Variants in NCAM1 observed in about 807,000 individuals in gnomAD.
The protein encoded by NCAM1 is antigen recognized by monoclonal antibody 5.1H11.
NCAM1 carries 14 observed loss-of-function variants against 109.8 expected under a neutral mutation model. That is an observed-to-expected ratio of 0.13 (90% CI 0.08 to 0.20). The LOEUF (loss-of-function observed/expected upper bound fraction) is 0.20, where lower values mean the gene tolerates loss of function less well. NCAM1 is among the 10% of genes least tolerant of loss of function. The probability of loss-of-function intolerance (pLI) is 1.00; values close to 1 mark genes in which losing one functional copy is unlikely to be tolerated. For synonymous variants in NCAM1, 418 were observed against 442.9 expected, an observed-to-expected ratio of 0.94 and a Z score of 0.70; for missense variants, 774 against 1,109.9, an observed-to-expected ratio of 0.70 and a Z score of 4.30.
intron 1 of NCAM1, among the ~76,000 whole-genome samples, chr11:113,185,401 G>C (rs1943479069): frequency 6.6e-6 from 1 of 152,138 alleles, no homozygotes; most frequent in African/African-American, 2.4e-5. Flanking sequence ...CATTGGGAAA[G>C]TCAGTCTGCT....
In NCAM1 at chr11:113,012,056, T is replaced by C. The variant is rs1000063052; in HGVS notation, c.52+50392T>C. On this transcript the variant is annotated intron_variant, in intron 1 of 19. Transcript: ENST00000316851. ...TTTTTGGTGTGTGACAGATTCTCCG[T>C]CTCCCAGGCTGGAGTGCAGTGGCGC... Among the ~76,000 whole-genome samples, 5 of 150,694 alleles carry C rather than the reference T, an allele frequency of 3.3e-5. No individual in the cohort carries two copies. The Middle Eastern group carries it at 0.017, about 520-fold the overall frequency.
intron 1 of NCAM1, among the ~76,000 whole-genome samples, chr11:112,971,550 A>G (rs955264986): frequency 6.6e-6 from 1 of 152,090 alleles, no homozygotes; most frequent in Non-Finnish European, 1.5e-5. Flanking sequence ...TAAATGTTAT[A>G]CCTTTTTTTG....
At chr11:113,177,874 G>T (rs1447024249) in intron 1 of NCAM1, among the ~76,000 whole-genome samples, 1 of 152,048 alleles carries the variant, frequency 6.6e-6, no homozygotes, top group Admixed American at 6.6e-5. Context: ...TGTCGCTCTT[G>T]CTTGTTACCG....
In NCAM1 at chr11:113,233,680, TCTGCCGACA is replaced by T. The variant is rs1945079108; in HGVS notation, c.1693+365_1693+373del. 6.6e-6 allele frequency among the ~76,000 whole-genome samples: 1 copy of T among 152,224 alleles called. No homozygotes were observed. Among genetic ancestry groups the T allele is most frequent in the African/African-American group, 2.4e-5 (1 of 41,462 alleles). ...TTTGAGTTACCTGTGCTGCAGGTTC[TCTGCCGACA>T]CCCGGCCAGTCCTGCTTGGATATCT... On this transcript the variant is annotated intron_variant, in intron 13 of 19. Transcript: ENST00000316851. This position sits in a 1 kb window ranked among gnomAD's most constrained non-coding sequence, Gnocchi z 4.5.
intron 8 of NCAM1, among the ~76,000 whole-genome samples, chr11:113,216,515 A>T (rs984436488): frequency 6.6e-6 from 1 of 152,218 alleles, no homozygotes; most frequent in Non-Finnish European, 1.5e-5. Context: ...CTTGCTAAAT[A>T]TGGAGACAGG....
rs1422781263 is a variant in NCAM1, at chr11:113,275,991, G to C, written c.*604G>C. The stretch of plus-strand genomic sequence containing the variant: ...TTCCCACGTAGACTCTTATTTTATA[G>C]GACGAATGCCAAATTGCAGCTTCTG... On this transcript the variant is annotated 3_prime_UTR_variant, in exon 20 of 20. Transcript: ENST00000316851. The C allele has an allele frequency of 6.6e-6, 1 of 152,556 alleles. No individual in the cohort carries two copies. Among genetic ancestry groups the C allele is most frequent in the Non-Finnish European group, 1.5e-5 (1 of 68,038 alleles). The allele number at this position is 152,556 out of a possible 1,614,324, so 9.5% of individuals were successfully genotyped here.
At chr11:113,208,517 A>G (rs905957452) in intron 7 of NCAM1, among the ~76,000 whole-genome samples, 1 of 151,464 alleles carries the variant, frequency 6.6e-6, no homozygotes, top group Non-Finnish European at 1.5e-5. Flanking sequence ...TCTGCTTGGA[A>G]TATCTTTCCC....
At chr11:113,135,001 G>A (rs562756661) in intron 1 of NCAM1, among the ~76,000 whole-genome samples, 33 of 152,240 alleles carry the variant, frequency 2.2e-4, no homozygotes, top group Non-Finnish European at 3.1e-4. Flanking sequence ...GAGCTACAGG[G>A]CTATGGGAAC....
In NCAM1 at chr11:113,051,089, G is replaced by A. The variant is rs535991710; in HGVS notation, c.52+89425G>A. 2.6e-5 allele frequency among the ~76,000 whole-genome samples: 4 copies of A among 152,260 alleles called. No individual in the cohort carries two copies. The South Asian group carries it at 6.2e-4, about 24-fold the overall frequency. ...GGTCCTTTTGAACCCCTGAACCAAT[G>A]TGCTAAATTTCTACTAGGTCATGTG... On this transcript the variant is annotated intron_variant, in intron 1 of 19. Transcript: ENST00000316851.
intron 13 of NCAM1, among the ~76,000 whole-genome samples, chr11:113,234,668 A>G (rs1565518560): frequency 6.6e-6 from 1 of 152,228 alleles, no homozygotes; most frequent in Non-Finnish European, 1.5e-5. Context: ...TTGTATGTCT[A>G]TGCCACATTT....
intron 1 of NCAM1, among the ~76,000 whole-genome samples, chr11:113,093,615 A>G (rs904312060): frequency 1.8e-4 from 27 of 152,148 alleles, no homozygotes; most frequent in African/African-American, 5.6e-4. Context: ...AAAGTTTACG[A>G]ACGCCCCATC....
intron 1 of NCAM1, among the ~76,000 whole-genome samples, chr11:113,113,871 C>A (rs1303133894): frequency 2.6e-5 from 4 of 152,158 alleles, no homozygotes; most frequent in African/African-American, 7.2e-5. Flanking sequence ...TTGACACGAT[C>A]AATGGATGGA....
At chr11:112,982,691 T>A (rs1951185776) in intron 1 of NCAM1, among the ~76,000 whole-genome samples, 1 of 151,950 alleles carries the variant, frequency 6.6e-6, no homozygotes, top group East Asian at 1.9e-4. Context: ...GAGGAAAGAA[T>A]GGAGATTATT....
intron 1 of NCAM1, among the ~76,000 whole-genome samples, chr11:113,020,479 G>T (rs1555076061): frequency 6.6e-6 from 1 of 152,038 alleles, no homozygotes; most frequent in Non-Finnish European, 1.5e-5. Flanking sequence ...ACGATCTCTT[G>T]CATATTACCT....
chr11:113,007,876 G>A (rs900959046), intron 1 of NCAM1, among the ~76,000 whole-genome samples: 1 of 152,194 alleles, frequency 6.6e-6, no homozygotes, highest in Non-Finnish European at 1.5e-5. Flanking sequence ...GTGAAGAAGG[G>A]TTAGAGATAC....
Position 112,962,348 on chromosome 11 carries a change from C to G in NCAM1, c.52+684C>G, listed in dbSNP as rs1194841269. Among the ~76,000 whole-genome samples the G allele has an allele frequency of 6.6e-6, 1 of 152,114 alleles. No homozygotes were observed. The highest frequency in any genetic ancestry group is 1.5e-5 in the Non-Finnish European group (1 of 68,012). ...CAAAGCCTACCCTCGGCCGCGAGCACTGAAGGATGGGAGGGTCGAGCGCCG... is the reference window on the plus strand; with the variant it reads ...CAAAGCCTACCCTCGGCCGCGAGCAGTGAAGGATGGGAGGGTCGAGCGCCG... On this transcript the variant is annotated intron_variant, in intron 1 of 19. Coordinates refer to ENST00000316851, the MANE Select transcript of NCAM1 (RefSeq NM_181351.5). The surrounding 1 kb of genome is among the most constrained non-coding windows in gnomAD (Gnocchi z 5.6).
rs527299143 is a variant in NCAM1 at position 112,989,783 on chromosome 11, A to G, written c.52+28119A>G. Among the ~76,000 whole-genome samples the G allele has an allele frequency of 6.6e-5, 10 of 152,272 alleles. No individual in the cohort carries two copies. In the South Asian group the frequency reaches 1.0e-3, roughly 16 times the overall value. ...AAGAGTTTTTTAAATTGTATGTTAT[A>G]TATTAGACAAAATTATTTAAAGCCA... On this transcript the variant is annotated intron_variant, in intron 1 of 19. Coordinates refer to ENST00000316851, the MANE Select transcript of NCAM1 (RefSeq NM_181351.5).
intron 1 of NCAM1, among the ~76,000 whole-genome samples, chr11:113,179,510 C>T (rs1266682232): frequency 2.6e-5 from 4 of 152,226 alleles, no homozygotes; most frequent in African/African-American, 9.6e-5. Flanking sequence ...GACAAGCTGG[C>T]TGCTTCCAGA....
intron 19 of NCAM1, chr11:113,272,807 G>A (rs782669227): frequency 8.2e-5 from 34 of 413,504 alleles, no homozygotes; most frequent in Middle Eastern, 7.5e-4. Flanking sequence ...GCCTGTGTCC[G>A]TGCCTGTGCC....
Sources: allele counts gnomAD v4.1 joint callset (sites outside exome capture counted in the v4.1 genomes callset), GRCh38; gene constraint gnomAD v4.1.1; non-coding constraint Gnocchi (gnomAD v3.1); transcripts MANE v1.5; gene names NCBI Gene and HGNC (gene_info 2026-07-23, HGNC 2026-07-21).